The following FBN1 variants were observed in gnomAD, a reference collection of about 807,000 sequenced individuals.
The protein encoded by FBN1 is fibrillin-1.
FBN1 carries 29 observed loss-of-function variants against 365.1 expected under a neutral mutation model. That is an observed-to-expected ratio of 0.08 (90% CI 0.06 to 0.11). The LOEUF is 0.11. Ranked by LOEUF, FBN1 falls within the 10% of genes least tolerant of loss-of-function variation. FBN1 has a pLI of 1.00. For synonymous variants in FBN1, 1,210 were observed against 1,270.5 expected (o/e 0.95, Z 1.01); for missense variants, 2,476 against 3,703.2 (o/e 0.67, Z 8.60).
rs2043800530 is a variant in FBN1 at position 48,516,281 on chromosome 15, G to T, written c.1229C>A (p.Pro410His). 1.2e-6 allele frequency: 2 copies of T among 1,613,930 alleles called. No individual in the cohort carries two copies. The highest frequency in any genetic ancestry group is 1.7e-6 in the Non-Finnish European group (2 of 1,179,912). Reference sequence around the variant, plus strand: ...GCCAGGAGGAACAGGGAGAACTGGAGGAATGGGGCCAAGGGGTGGGGGAGG... The same window carrying T: ...GCCAGGAGGAACAGGGAGAACTGGATGAATGGGGCCAAGGGGTGGGGGAGG... ...EYPPPPLGPI[P>H]PVLPVPPGFP... is the part of the protein sequence containing the mutation. The change falls in exon 11 of 66, where the codon CCT becomes CAT. Residue 410 changes from proline to histidine, a missense_variant. Physicochemically the swap from Pro to His is moderately conservative, Grantham distance 77. Transcript: ENST00000316623.
intron 2 of FBN1, among the ~76,000 whole-genome samples, chr15:48,636,391 GC>G (rs1024210993): frequency 6.6e-6 from 1 of 152,138 alleles, no homozygotes; most frequent in Admixed American, 6.5e-5. Flanking sequence ...CCAGCCCCCA[GC>G]CCTTCGAGTT....
At position 48,420,823 on chromosome 15, in the gene FBN1, G is replaced by C; in HGVS notation, c.7700-17C>G. ...CGTCCACGTCTGAAAAAGAAGCAGA[G>C]CCACCATGATGCCAACTCAACATCT... On this transcript the variant is annotated splice_polypyrimidine_tract_variant and intron_variant, in intron 62 of 65. Transcript: ENST00000316623. The C allele has an allele frequency of 6.2e-7, 1 of 1,613,204 alleles. No homozygotes were observed. The highest frequency in any genetic ancestry group is 8.5e-7 in the Non-Finnish European group (1 of 1,179,924).
At chr15:48,505,355 T>C (rs568237385) in intron 15 of FBN1, among the ~76,000 whole-genome samples, 1 of 152,288 alleles carries the variant, frequency 6.6e-6, no homozygotes, top group South Asian at 2.1e-4. Flanking sequence ...TTATTTTCCA[T>C]AAAAAGTAAC....
chr15:48,480,764 C>T (rs1055577546), intron 32 of FBN1, among the ~76,000 whole-genome samples: 2 of 152,096 alleles, frequency 1.3e-5, no homozygotes, highest in Admixed American at 1.3e-4. Flanking sequence ...TAAGAGCTTG[C>T]CAAACTGGTT....
intron 46 of FBN1, 152 bp from the exon 47 acceptor site, chr15:48,446,974 C>T: frequency 4.6e-6 from 3 of 648,592 alleles, no homozygotes; most frequent in Non-Finnish European, 8.3e-6. Context: ...CAGCAGTCAT[C>T]CCTGCAAGAT....
rs745524158 is a variant in FBN1, at chr15:48,415,658, A to G, written c.7929T>C (p.Ser2643=). 62 of 1,614,070 alleles carry G rather than the reference A, an allele frequency of 3.8e-5. No individual in the cohort carries two copies. The highest frequency in any genetic ancestry group is 5.3e-5 in the Non-Finnish European group (62 of 1,180,032). ...ATTCATTGATGTCTTGGCATCCTCCACTGAACTGTTCATACTGGAAGCCGG... is the reference window on the plus strand; with the variant it reads ...ATTCATTGATGTCTTGGCATCCTCCGCTGAACTGTTCATACTGGAAGCCGG... The part of the protein sequence containing the change: ...CPAGFQYEQF[S]GGCQDINECG... The change falls in exon 64 of 66, where the codon AGT becomes AGC. Residue 2643 remains serine (S), a synonymous_variant. Coordinates refer to ENST00000316623, the MANE Select transcript of FBN1 (RefSeq NM_000138.5).
intron 6 of FBN1, among the ~76,000 whole-genome samples, chr15:48,586,037 G>GT (rs2044432780): frequency 6.6e-6 from 1 of 152,110 alleles, no homozygotes; most frequent in Admixed American, 6.5e-5. Flanking sequence ...TGGAAAAAAA[G>GT]TTTTTTGACA....
At position 48,615,074 on chromosome 15, in the gene FBN1, C is replaced by T. The variant is rs190107335; in HGVS notation, c.165-1982G>A. Among the ~76,000 whole-genome samples, 139 of 152,204 alleles carry T rather than the reference C, an allele frequency of 9.1e-4. 1 individual carries two copies. Among genetic ancestry groups the T allele is most frequent in the Admixed American group, 5.2e-4 (8 of 15,288 alleles). On this transcript the variant is annotated intron_variant, in intron 2 of 65. Coordinates refer to ENST00000316623, the MANE Select transcript of FBN1 (RefSeq NM_000138.5). ...GGTAGACAGCTGGGGTAGAGGGGAACGCACAAACCTTCCAAACTTTTATTA... is the reference window on the plus strand; with the variant it reads ...GGTAGACAGCTGGGGTAGAGGGGAATGCACAAACCTTCCAAACTTTTATTA...
Position 48,487,360 on chromosome 15 carries a change from C to G in FBN1, c.3415G>C (p.Glu1139Gln), listed in dbSNP as rs780972853. 1.8e-5 allele frequency: 29 copies of G among 1,614,102 alleles called. No individual in the cohort carries two copies. The highest frequency in any genetic ancestry group is 3.4e-6 in the Non-Finnish European group (4 of 1,180,050). ...CHNTEGSYRC[E>Q]CPPGHQLSPN... Reference sequence around the variant, plus strand: ...GACAGCTGATGGCCAGGCGGGCATTCACAGCGGTAACTTCCCTCTGTGTTA... The same window carrying G: ...GACAGCTGATGGCCAGGCGGGCATTGACAGCGGTAACTTCCCTCTGTGTTA... Residue 1139 changes from glutamate to glutamine, a missense_variant, in exon 28 of 66, where the codon GAA becomes CAA. Glu to Gln is a conservative substitution (Grantham distance 29). Coordinates refer to ENST00000316623, the MANE Select transcript of FBN1 (RefSeq NM_000138.5).
chr15:48,547,488 TGA>T (rs2141369496), intron 6 of FBN1, among the ~76,000 whole-genome samples: 1 of 152,290 alleles, frequency 6.6e-6, no homozygotes, highest in East Asian at 1.9e-4. Flanking sequence ...GCATCAATTC[TGA>T]GAGATCTGGT....
intron 49 of FBN1, among the ~76,000 whole-genome samples, chr15:48,443,830 T>C (rs1291223836): frequency 6.6e-6 from 1 of 152,124 alleles, no homozygotes; most frequent in Non-Finnish European, 1.5e-5. Flanking sequence ...GCCAGGAGTT[T>C]GAGGCCAGCC....
chr15:48,544,880 A>G (rs539816232), intron 6 of FBN1, among the ~76,000 whole-genome samples: 3 of 152,366 alleles, frequency 2.0e-5, no homozygotes, highest in East Asian at 3.9e-4. Context: ...GAGAATCGGT[A>G]AAGTCAAATC....
chr15:48,462,086 A>T (rs548742947), intron 42 of FBN1, among the ~76,000 whole-genome samples: 2 of 152,308 alleles, frequency 1.3e-5, no homozygotes, highest in South Asian at 4.1e-4. Context: ...GGAATAATAC[A>T]TTTTACTAAA....
At chr15:48,566,337 C>A (rs1023994101) in intron 6 of FBN1, among the ~76,000 whole-genome samples, 1 of 152,202 alleles carries the variant, frequency 6.6e-6, no homozygotes, top group Non-Finnish European at 1.5e-5. Flanking sequence ...TGAAGCCTTT[C>A]AGCTATTTTG....
At position 48,478,844 on chromosome 15, in the gene FBN1, A is replaced by G. The variant is rs2043445314; in HGVS notation, c.3964+2811T>C. Among the ~76,000 whole-genome samples the G allele has an allele frequency of 2.0e-5, 3 of 152,330 alleles. No homozygotes were observed. The South Asian group carries it at 6.2e-4, about 32-fold the overall frequency. ...GAACATTGCTAAAGTGATTGGGGGA[A>G]AAAACATGTTTATTTGTTAAAATGG... On this transcript the variant is annotated intron_variant, in intron 32 of 65. Coordinates refer to ENST00000316623, the MANE Select transcript of FBN1 (RefSeq NM_000138.5).
chr15:48,453,274 C>CAAAAAAAAAAAAAAAAAAAAAAA (rs2043214804), intron 44 of FBN1, among the ~76,000 whole-genome samples: 1 of 31,050 alleles, frequency 3.2e-5, no homozygotes. Flanking sequence ...AACAAACAAA[C>CAAAAAAAAAAAAAAAAAAAAAAA]AAACAAAAAA....
In FBN1 at chr15:48,520,792, T is replaced by C; in HGVS notation, c.1014A>G (p.Thr338=). The change falls in exon 10 of 66, where the codon ACA becomes ACG. Residue 338 remains threonine (T), a synonymous_variant. Transcript: ENST00000316623. ...CIDVRPGYCY[T]ALTNGRCSNQ... ...TAGAGCAGCGCCCGTTTGTCAGAGCTGTGTAACAGTATCCTGGGCGAACAT... is the reference window on the plus strand; with the variant it reads ...TAGAGCAGCGCCCGTTTGTCAGAGCCGTGTAACAGTATCCTGGGCGAACAT... The C allele has an allele frequency of 6.2e-7, 1 of 1,614,184 alleles. No individual in the cohort carries two copies. Among genetic ancestry groups the C allele is most frequent in the Non-Finnish European group, 8.5e-7 (1 of 1,180,024 alleles).
At chr15:48,550,618 C>T (rs2141372713) in intron 6 of FBN1, among the ~76,000 whole-genome samples, 1 of 152,224 alleles carries the variant, frequency 6.6e-6, no homozygotes, top group African/African-American at 2.4e-5. Context: ...CCTCTCTGGC[C>T]TCTTCCCTAA....
intron 36 of FBN1, among the ~76,000 whole-genome samples, chr15:48,469,080 ATATATATATATATAAAATAT>A (rs2043347230): frequency 2.4e-5 from 2 of 84,026 alleles, no homozygotes; most frequent in African/African-American, 9.8e-5. Context: ...AAAAAAAAAA[ATATATATATATATAAAATAT>A]AATATATATT....
Sources: gnomAD v4.1 joint callset for allele counts (sites outside exome capture counted in the v4.1 genomes callset) on GRCh38, gnomAD v4.1.1 for gene constraint, MANE v1.5 for transcripts, NCBI Gene and HGNC (gene_info 2026-07-23, HGNC 2026-07-21) for gene names.